ADAMTS5: variants seen among roughly 807,000 people sequenced by gnomAD.
ADAMTS5 encodes ADAM metallopeptidase with thrombospondin type 1 motif 5, also known as A disintegrin and metalloproteinase with thrombospondin motifs 5.
Under a neutral mutation model 81.4 loss-of-function variants are expected in ADAMTS5, and 54 were observed. The ratio of observed to expected loss-of-function variants is 0.66; its 90% CI spans 0.53 to 0.83. The LOEUF (loss-of-function observed/expected upper bound fraction) is 0.83. Among genes scored for constraint, ADAMTS5 ranks in the 40% least tolerant of loss-of-function variants. The pLI, the probability that ADAMTS5 is intolerant of heterozygous loss-of-function variation, is 0.00. For synonymous variants in ADAMTS5, 532 were observed against 508.8 expected (o/e 1.05, Z -0.61); for missense variants, 1,194 against 1,229.9 (o/e 0.97, Z 0.44).
chr21:26,958,734 T>C (rs963327405), intron 1 of ADAMTS5, among the ~76,000 whole-genome samples: 1 of 152,146 alleles, frequency 6.6e-6, no homozygotes, highest in Admixed American at 6.5e-5. Flanking sequence ...ATCCTGAGCT[T>C]TAGGGAACAT....
intron 3 of ADAMTS5, 111 bp downstream of exon 3, chr21:26,943,269 A>G: frequency 1.8e-6 from 2 of 1,104,396 alleles, no homozygotes; most frequent in Non-Finnish European, 2.5e-6. Flanking sequence ...CACTATCCAC[A>G]CAACTATTGT....
intron 6 of ADAMTS5, among the ~76,000 whole-genome samples, chr21:26,931,084 G>A (rs980157181): frequency 1.3e-5 from 2 of 151,942 alleles, no homozygotes; most frequent in South Asian, 4.1e-4. Flanking sequence ...GTCTCGCTCT[G>A]TCACCAGACT....
intron 3 of ADAMTS5, among the ~76,000 whole-genome samples, chr21:26,940,791 T>C (rs1427025410): frequency 6.6e-6 from 1 of 152,198 alleles, no homozygotes; most frequent in Non-Finnish European, 1.5e-5. Flanking sequence ...GGACTGTGAC[T>C]GTCTTCTTAG....
Position 26,921,443 on chromosome 21 carries a change from A to G in ADAMTS5, c.*2610T>C, listed in dbSNP as rs1265275587. 7.4e-6 allele frequency: 1 copy of G among 135,732 alleles called. No homozygotes were observed. Among genetic ancestry groups the G allele is most frequent in the African/African-American group, 2.6e-5 (1 of 38,390 alleles). 8.4% of individuals were successfully genotyped at this position (135,732 alleles called of 1,614,324 possible). A position where few individuals can be genotyped will look rare whatever the true frequency, so the allele number is the denominator to read the frequency against. ...TACAAACCTGAGCATTTTCAGACGA[A>G]TTCTTTTTTTTTTTTTTTTTTAAAG... On this transcript the variant is annotated 3_prime_UTR_variant, in exon 8 of 8. Transcript: ENST00000284987.
At chr21:26,937,197 G>T (rs542332313) in intron 3 of ADAMTS5, among the ~76,000 whole-genome samples, 2 of 94,208 alleles carry the variant, frequency 2.1e-5, no homozygotes, top group Non-Finnish European at 2.5e-5. Flanking sequence ...AAAAAGAAAC[G>T]TGTAATGCAA....
At chr21:26,933,103 C>A in intron 4 of ADAMTS5, 59 bp from the exon 5 acceptor site, 1 of 1,513,074 alleles carries the variant, frequency 6.6e-7, no homozygotes, top group Non-Finnish European at 8.9e-7. Context: ...TGAAAGTGTG[C>A]ATTTGGAAAT....
intron 2 of ADAMTS5, among the ~76,000 whole-genome samples, chr21:26,953,292 G>A (rs146838164): frequency 3.2e-4 from 49 of 152,288 alleles, no homozygotes; most frequent in Middle Eastern, 6.8e-3. Context: ...AGCCAAAGAC[G>A]CCTAATCAAT....
At chr21:26,938,085 C>A (rs972377707) in intron 3 of ADAMTS5, among the ~76,000 whole-genome samples, 2 of 151,850 alleles carry the variant, frequency 1.3e-5, no homozygotes, top group Non-Finnish European at 2.9e-5. Context: ...ACTAAAAATA[C>A]AAAAATTAGC....
chr21:26,947,584 C>A (rs162493), intron 2 of ADAMTS5, among the ~76,000 whole-genome samples: 36,558 of 151,902 alleles, frequency 0.24, 5,285 homozygotes, highest in Admixed American at 0.32. Context: ...CAGGCGCACA[C>A]CACCATTCCT....
At chr21:26,927,877 T>C (rs542486385) in intron 7 of ADAMTS5, among the ~76,000 whole-genome samples, 40 of 151,688 alleles carry the variant, frequency 2.6e-4, no homozygotes, top group Admixed American at 5.2e-4. Context: ...GGAGATGTGG[T>C]GGAAATAGAA....
chr21:26,928,857 C>CATT (rs1243100470), intron 7 of ADAMTS5, among the ~76,000 whole-genome samples: 2 of 152,040 alleles, frequency 1.3e-5, no homozygotes, highest in Non-Finnish European at 2.9e-5. Context: ...GAGTCCAACT[C>CATT]ATTTTTAAAA....
chr21:26,947,035 G>A (rs1259328751), intron 2 of ADAMTS5, among the ~76,000 whole-genome samples: 3 of 152,234 alleles, frequency 2.0e-5, no homozygotes, highest in African/African-American at 7.2e-5. Flanking sequence ...GTAACTATCT[G>A]CTGTCAGGAT....
chr21:26,921,863 G>T lies in ADAMTS5; in HGVS notation c.*2190C>A, dbSNP rs55873722. The T allele has an allele frequency of 1.8e-3, 281 of 152,464 alleles. 3 individuals carry two copies. In the East Asian group the frequency reaches 0.019, roughly 10 times the overall value. 9.4% of individuals were successfully genotyped at this position (152,464 alleles called of 1,614,324 possible). On this transcript the variant is annotated 3_prime_UTR_variant, in exon 8 of 8. Transcript: ENST00000284987. ...ACCATATTAAAAATGTATGAGTATAGTAAGAGAAGCAGAGTAGGAGACAAC... is the reference window on the plus strand; with the variant it reads ...ACCATATTAAAAATGTATGAGTATATTAAGAGAAGCAGAGTAGGAGACAAC...
Position 26,934,725 on chromosome 21 carries a change from C to T in ADAMTS5, c.1430G>A (p.Arg477Gln), listed in dbSNP as rs142161826. 2.0e-5 allele frequency: 33 copies of T among 1,614,164 alleles called. No homozygotes were observed. Among genetic ancestry groups the T allele is most frequent in the Admixed American group, 6.7e-5 (4 of 60,030 alleles). Residue 477 changes from arginine to glutamine, a missense_variant, in exon 4 of 8, where the codon CGA (arginine) becomes CAA (glutamine). Physicochemically the swap from Arg to Gln is conservative, Grantham distance 43 (BLOSUM62 1). Transcript: ENST00000284987. ...TTCTTCGGGGCCCAGGATCTGCTTT[C>T]GTGGTAGGTCCAGCAAACAGTTACC... is the stretch of plus-strand genomic sequence containing the variant. ...GHGNCLLDLPRKQILGPEELP... is the reference protein window; with the variant it reads ...GHGNCLLDLPQKQILGPEELP...
In ADAMTS5 at chr21:26,923,999, T is replaced by G; in HGVS notation, c.*54A>C. The G allele has an allele frequency of 2.0e-6, 3 of 1,515,800 alleles. No individual in the cohort carries two copies. The highest frequency in any genetic ancestry group is 2.7e-6 in the Non-Finnish European group (3 of 1,125,546). The allele number at this position is 1,515,800 out of a possible 1,614,324, so 93.9% of individuals were successfully genotyped here. A position where few individuals can be genotyped will look rare whatever the true frequency, so the allele number is the denominator to read the frequency against. ...AGGTAGACCTCCTGTTCACCACGAC[T>G]GCATCAGTGCTGAATCCTCCAGTTA... On this transcript the variant is annotated 3_prime_UTR_variant, in exon 8 of 8. Transcript: ENST00000284987.
At position 26,954,819 on chromosome 21, in the gene ADAMTS5, G is replaced by GTCCCAACGTCTGCCAT. The variant is rs762002947; in HGVS notation, c.1141_1156dup (p.Thr386AsnfsTer18). The GTCCCAACGTCTGCCAT allele has an allele frequency of 1.2e-6, 2 of 1,614,078 alleles. No homozygotes were observed. Among genetic ancestry groups the GTCCCAACGTCTGCCAT allele is most frequent in the South Asian group, 2.2e-5 (2 of 91,070 alleles). ...ACAGCTGCGCTCTGGAGAACATATG[G>GTCCCAACGTCTGCCAT]TCCCAACGTCTGCCATTCCCAGGGT... On this transcript the variant is annotated frameshift_variant, in exon 2 of 8. Transcript: ENST00000284987. LOFTEE classifies it high-confidence loss of function.
At position 26,922,319 on chromosome 21, in the gene ADAMTS5, C is replaced by G. The variant is rs974526472; in HGVS notation, c.*1734G>C. The G allele has an allele frequency of 3.9e-4, 59 of 151,934 alleles. No individual in the cohort carries two copies. The highest frequency in any genetic ancestry group is 1.4e-3 in the African/African-American group (56 of 41,382). 9.4% of individuals were successfully genotyped at this position (151,934 alleles called of 1,614,324 possible). ...AACAGCAAGACATCTATTTTCCTGGCCCACTGAAATGATGTAATATAGTGA... is the reference window on the plus strand; with the variant it reads ...AACAGCAAGACATCTATTTTCCTGGGCCACTGAAATGATGTAATATAGTGA... On this transcript the variant is annotated 3_prime_UTR_variant, in exon 8 of 8. Transcript: ENST00000284987.
At chr21:26,932,741 T>G in intron 5 of ADAMTS5, 120 bp downstream of exon 5, 1 of 1,098,670 alleles carries the variant, frequency 9.1e-7, no homozygotes, top group Non-Finnish European at 1.2e-6. Flanking sequence ...TTGATCTGCA[T>G]ATTGGTGGAA....
intron 1 of ADAMTS5, among the ~76,000 whole-genome samples, chr21:26,956,828 C>A (rs965804057): frequency 6.6e-6 from 1 of 152,210 alleles, no homozygotes; most frequent in Non-Finnish European, 1.5e-5. Flanking sequence ...AAACTAGATT[C>A]TTAATATCTC....
Sources: gnomAD v4.1 joint callset for allele counts (sites outside exome capture counted in the v4.1 genomes callset) on GRCh38, gnomAD v4.1.1 for gene constraint, MANE v1.5 for transcripts, NCBI Gene and HGNC (gene_info 2026-07-23, HGNC 2026-07-21) for gene names.